The following DPH6 variants were observed in gnomAD, a reference collection of about 807,000 sequenced individuals.
The protein encoded by DPH6 is diphthamine biosynthesis 6, also known as diphthine--ammonia ligase.
DPH6 carries 33 observed loss-of-function variants against 38.2 expected under a neutral mutation model. The ratio of observed to expected loss-of-function variants is 0.86; its 90% CI spans 0.65 to 1.15. DPH6 has a LOEUF of 1.15. DPH6 is among the 50% of genes most tolerant of loss of function. The pLI is 0.00. For missense variants in DPH6, 325 were observed against 320.0 expected, an observed-to-expected ratio of 1.02 and a Z score of -0.12; for synonymous variants, 108 against 103.0, an observed-to-expected ratio of 1.05 and a Z score of -0.30.
chr15:35,425,810 C>CATATATATATATATATATATAT (rs71741742), intron 5 of DPH6, among the ~76,000 whole-genome samples: 1 of 142,026 alleles, frequency 7.0e-6, no homozygotes, highest in African/African-American at 2.6e-5. Flanking sequence ...TATGACATGA[C>CATATATATATATATATATATAT]ATATATATAT....
At chr15:35,496,567 A>AAAAAATATATATAT in intron 3 of DPH6, among the ~76,000 whole-genome samples, 21 of 31,006 alleles carry the variant, frequency 6.8e-4, no homozygotes, top group African/African-American at 1.8e-3. Context: ...AAAAAAAAAA[A>AAAAAATATATATAT]ATATATATAT....
At chr15:35,327,124 G>A (rs2052288775), downstream of DPH6, among the ~76,000 whole-genome samples, 1 of 152,058 alleles carries the variant, frequency 6.6e-6, no homozygotes, top group Non-Finnish European at 1.5e-5. Context: ...TTCCATATAA[G>A]GAAGCTGCCT....
At chr15:35,179,236 AT>A in the DPH6 span, among the ~76,000 whole-genome samples, 1 of 151,284 alleles carries the variant, frequency 6.6e-6, no homozygotes. Flanking sequence ...AAGAAAAAAA[AT>A]GTTATGTTAA....
At chr15:35,191,610 C>G in the DPH6 span, among the ~76,000 whole-genome samples, 1 of 152,182 alleles carries the variant, frequency 6.6e-6, no homozygotes, top group Non-Finnish European at 1.5e-5. Flanking sequence ...CTCCCCACTG[C>G]TGAGATTAAA....
At chr15:35,186,992 A>C in the DPH6 span, among the ~76,000 whole-genome samples, 1 of 152,232 alleles carries the variant, frequency 6.6e-6, no homozygotes, top group Admixed American at 6.5e-5. Flanking sequence ...CAGTTCAATA[A>C]GTATTTCTTT....
chr15:35,212,895 A>G (rs1001438729), downstream of DPH6, among the ~76,000 whole-genome samples: 4 of 152,250 alleles, frequency 2.6e-5, no homozygotes, highest in African/African-American at 9.6e-5. Context: ...AATTTGTTCT[A>G]ATGCCAAAGA....
the DPH6 span, among the ~76,000 whole-genome samples, chr15:35,175,623 T>C: frequency 2.3e-5 from 3 of 130,664 alleles, no homozygotes; most frequent in African/African-American, 8.6e-5. Flanking sequence ...CTGGGGCTGT[T>C]ATGAAGGTAC....
chr15:35,433,607 A>C (rs1306992722), intron 5 of DPH6, among the ~76,000 whole-genome samples: 1 of 152,244 alleles, frequency 6.6e-6, no homozygotes, highest in Non-Finnish European at 1.5e-5. Flanking sequence ...AGCCATAGAC[A>C]ATAATAAATA....
intron 5 of DPH6, among the ~76,000 whole-genome samples, chr15:35,436,214 C>T (rs2053699043): frequency 6.6e-6 from 1 of 151,938 alleles, no homozygotes; most frequent in Non-Finnish European, 1.5e-5. Context: ...TGCCTGTAAT[C>T]CCAGCACTTT....
chr15:35,490,079 T>C, intron 3 of DPH6: 5 of 985,438 alleles, frequency 5.1e-6, no homozygotes, highest in Non-Finnish European at 6.0e-6. Flanking sequence ...TCTTCTTACT[T>C]GGCCTAAATC....
intron 3 of DPH6, among the ~76,000 whole-genome samples, chr15:35,252,253 C>A (rs539309345): frequency 6.6e-6 from 1 of 152,278 alleles, no homozygotes; most frequent in South Asian, 2.1e-4. Flanking sequence ...TATTATTACA[C>A]CCACTTATAG....
chr15:35,264,053 T>C (rs1431607943), intron 3 of DPH6, among the ~76,000 whole-genome samples: 1 of 151,808 alleles, frequency 6.6e-6, no homozygotes, highest in East Asian at 1.9e-4. Flanking sequence ...TAGTCCATGC[T>C]GACTTTTCAC....
At chr15:35,484,378 T>G (rs1039188816) in intron 3 of DPH6, among the ~76,000 whole-genome samples, 4 of 152,242 alleles carry the variant, frequency 2.6e-5, no homozygotes, top group Non-Finnish European at 5.9e-5. Context: ...ATATCTCTGG[T>G]GCAAGACTCT....
At chr15:35,498,943 TAAAAAAAA>T (rs61542040) in intron 3 of DPH6, among the ~76,000 whole-genome samples, 3 of 108,430 alleles carry the variant, frequency 2.8e-5, no homozygotes, top group African/African-American at 7.3e-5. Flanking sequence ...CCTCATCTCT[TAAAAAAAA>T]AAAAAAAAAA....
At chr15:35,204,199 T>C in the DPH6 span, among the ~76,000 whole-genome samples, 10 of 151,802 alleles carry the variant, frequency 6.6e-5, no homozygotes, top group Non-Finnish European at 1.5e-4. Flanking sequence ...CCAAAATTTA[T>C]TTTGTATTCA....
chr15:35,146,170 C>T, the DPH6 span, among the ~76,000 whole-genome samples: 3 of 151,298 alleles, frequency 2.0e-5, no homozygotes, highest in Admixed American at 6.6e-5. Flanking sequence ...TATATTACTT[C>T]AATAACATAT....
chr15:35,337,801 C>T (rs1230230222), intron 3 of DPH6, among the ~76,000 whole-genome samples: 1 of 152,004 alleles, frequency 6.6e-6, no homozygotes, highest in African/African-American at 2.4e-5. Flanking sequence ...GCTACAGTAA[C>T]CAAAACAGCA....
intron 3 of DPH6, chr15:35,537,951 C>T (rs2055196017): frequency 1.2e-5 from 2 of 171,776 alleles, no homozygotes; most frequent in South Asian, 3.2e-4. Flanking sequence ...ATATAGTAGG[C>T]ATTCAAAAAA....
chr15:35,391,226 G>A (rs532444775), intron 6 of DPH6, among the ~76,000 whole-genome samples: 3 of 152,138 alleles, frequency 2.0e-5, no homozygotes, highest in Non-Finnish European at 4.4e-5. Context: ...GGAGTACCTG[G>A]CTGTGCGAGG....
Sources: allele counts gnomAD v4.1 joint callset (sites outside exome capture counted in the v4.1 genomes callset), GRCh38; gene constraint gnomAD v4.1.1; transcripts MANE v1.5; gene names NCBI Gene and HGNC (gene_info 2026-07-23, HGNC 2026-07-21).